PTPRD: variants seen among roughly 807,000 people sequenced by gnomAD.
The protein encoded by PTPRD is protein tyrosine phosphatase receptor type D.
In PTPRD, 34 loss-of-function variants were observed where a neutral mutation model predicts 214.5. The observed-to-expected ratio is 0.16, with a 90% confidence interval of 0.12 to 0.21. PTPRD has a LOEUF of 0.21. Among genes scored for constraint, PTPRD ranks in the 10% least tolerant of loss-of-function variants. PTPRD has a pLI of 1.00. For missense variants in PTPRD, 2,545 were observed against 2,398.7 expected (o/e 1.06, Z -1.27); for synonymous variants, 1,128 against 845.7 (o/e 1.33, Z -5.79).
intron 5 of PTPRD, among the ~76,000 whole-genome samples, chr9:9,882,384 G>C (rs1000135008): frequency 6.6e-6 from 1 of 152,002 alleles, no homozygotes; most frequent in Non-Finnish European, 1.5e-5. Context: ...TTTGGCCAAC[G>C]CTTGGTCAAT....
intron 10 of PTPRD, among the ~76,000 whole-genome samples, chr9:9,116,064 G>A (rs1400424204): frequency 6.6e-6 from 1 of 152,038 alleles, no homozygotes; most frequent in Non-Finnish European, 1.5e-5. Flanking sequence ...CTGAGAGGGT[G>A]ACTGGAAGGA....
intron 11 of PTPRD, among the ~76,000 whole-genome samples, chr9:8,780,839 G>A (rs1010493959): frequency 3.9e-5 from 6 of 152,148 alleles, no homozygotes; most frequent in African/African-American, 9.7e-5. Context: ...AAATAATCTC[G>A]GAAGTGGTTG....
intron 3 of PTPRD, among the ~76,000 whole-genome samples, chr9:10,171,696 T>C (rs1226625004): frequency 2.0e-5 from 3 of 152,110 alleles, no homozygotes; most frequent in African/African-American, 4.8e-5. Context: ...GGCTAATTTT[T>C]GTATTTTTAG....
At chr9:9,181,246 G>A (rs936375480) in intron 10 of PTPRD, among the ~76,000 whole-genome samples, 3 of 151,792 alleles carry the variant, frequency 2.0e-5, no homozygotes, top group African/African-American at 7.3e-5. Flanking sequence ...TTTCATTTTT[G>A]TAATGAGGTG....
At chr9:10,208,242 C>A (rs549502148) in intron 3 of PTPRD, among the ~76,000 whole-genome samples, 1 of 152,178 alleles carries the variant, frequency 6.6e-6, no homozygotes, top group East Asian at 1.9e-4. Flanking sequence ...CGGCGGGGCG[C>A]GGTGGCTCAG....
intron 12 of PTPRD, among the ~76,000 whole-genome samples, chr9:8,658,576 C>T (rs1337803): frequency 6.6e-6 from 1 of 151,524 alleles, no homozygotes; most frequent in Non-Finnish European, 1.5e-5. Context: ...ACTAGATTCT[C>T]TCATACGTAT....
intron 35 of PTPRD, among the ~76,000 whole-genome samples, chr9:8,411,672 T>G (rs2093540076): frequency 6.6e-6 from 1 of 152,212 alleles, no homozygotes; most frequent in East Asian, 1.9e-4. Flanking sequence ...AAGACATTTC[T>G]AGTTTCCAAA....
intron 10 of PTPRD, among the ~76,000 whole-genome samples, chr9:9,177,449 G>C (rs907771098): frequency 4.6e-5 from 7 of 152,032 alleles, no homozygotes; most frequent in African/African-American, 1.7e-4. Flanking sequence ...GATAAGTACT[G>C]ACTAAAACTA....
rs571278666 is a variant in PTPRD at position 8,600,009 on chromosome 9, G to C, written c.352+33308C>G. Reference sequence around the variant, plus strand: ...ATTGTTGAAAGAGGCACTGAAGAAGGTAGAAAAGACAGTGGTGAATTGCCC... The same window carrying C: ...ATTGTTGAAAGAGGCACTGAAGAAGCTAGAAAAGACAGTGGTGAATTGCCC... On this transcript the variant is annotated intron_variant, in intron 14 of 45. Transcript: ENST00000381196. Among the ~76,000 whole-genome samples, 3 of 152,290 alleles carry C rather than the reference G, an allele frequency of 2.0e-5. No homozygotes were observed. The South Asian group carries it at 6.2e-4, about 32-fold the overall frequency.
chr9:9,911,719 A>G (rs1439356492), intron 5 of PTPRD, among the ~76,000 whole-genome samples: 1 of 152,160 alleles, frequency 6.6e-6, no homozygotes, highest in East Asian at 1.9e-4. Flanking sequence ...ACAGTAGGAT[A>G]TAGGAAGCAA....
At chr9:10,267,830 T>G (rs1038158655) in intron 3 of PTPRD, among the ~76,000 whole-genome samples, 1 of 152,130 alleles carries the variant, frequency 6.6e-6, no homozygotes, top group Non-Finnish European at 1.5e-5. Flanking sequence ...GCCATTAAAA[T>G]TTTGGAATAG....
chr9:9,988,835 A>G (rs969744119), intron 4 of PTPRD, among the ~76,000 whole-genome samples: 1 of 151,886 alleles, frequency 6.6e-6, no homozygotes, highest in Non-Finnish European at 1.5e-5. Context: ...CACACATTAT[A>G]TAAGGGATAT....
intron 11 of PTPRD, among the ~76,000 whole-genome samples, chr9:8,769,046 G>A (rs1250052203): frequency 1.3e-5 from 2 of 152,138 alleles, no homozygotes; most frequent in Admixed American, 1.3e-4. Flanking sequence ...ACCTAATTCT[G>A]TGTGTTAGCA....
rs1404754070 is a variant in PTPRD, at chr9:8,762,083, C to T, written c.-103-28137G>A. On this transcript the variant is annotated intron_variant, in intron 11 of 45. Coordinates refer to ENST00000381196, the MANE Select transcript of PTPRD (RefSeq NM_002839.4). ...AAGTCTAACCTTTTTAATGTCCATA[C>T]TATAGCAGTTTAGGGGATGTGTGTG... 2.0e-5 allele frequency among the ~76,000 whole-genome samples: 3 copies of T among 152,124 alleles called. No individual in the cohort carries two copies. The East Asian group carries it at 5.8e-4, about 29-fold the overall frequency.
At chr9:8,820,879 C>G (rs571790353) in intron 11 of PTPRD, among the ~76,000 whole-genome samples, 1 of 152,156 alleles carries the variant, frequency 6.6e-6, no homozygotes, top group African/African-American at 2.4e-5. Flanking sequence ...CCCTACACGA[C>G]AAGTCAAGGA....
chr9:8,844,651 C>T (rs1343681351), intron 11 of PTPRD, among the ~76,000 whole-genome samples: 1 of 152,066 alleles, frequency 6.6e-6, no homozygotes, highest in Admixed American at 6.5e-5. Context: ...TAATAGCTGC[C>T]ACAAATCCTT....
intron 5 of PTPRD, among the ~76,000 whole-genome samples, chr9:9,848,661 A>T (rs992323167): frequency 3.3e-5 from 5 of 152,118 alleles, no homozygotes; most frequent in Non-Finnish European, 7.4e-5. Flanking sequence ...ACACATGTTA[A>T]AGAGATTTAG....
intron 39 of PTPRD, among the ~76,000 whole-genome samples, chr9:8,346,661 AGT>A (rs745408296): frequency 1.1e-4 from 16 of 152,068 alleles, no homozygotes; most frequent in Non-Finnish European, 1.9e-4. Context: ...CTGGTATTGT[AGT>A]GTTTGTCTTC....
chr9:8,816,346 G>C (rs1336895528), intron 11 of PTPRD, among the ~76,000 whole-genome samples: 1 of 152,150 alleles, frequency 6.6e-6, no homozygotes, highest in Non-Finnish European at 1.5e-5. Context: ...GAACAGAACT[G>C]CTTCAGCTAT....
Sources: gnomAD v4.1 joint callset for allele counts (sites outside exome capture counted in the v4.1 genomes callset) on GRCh38, gnomAD v4.1.1 for gene constraint, MANE v1.5 for transcripts, NCBI Gene and HGNC (gene_info 2026-07-23, HGNC 2026-07-21) for gene names.